The following CASP6 variants were observed in gnomAD, a reference collection of about 807,000 sequenced individuals.
CASP6 encodes caspase 6.
A neutral mutation model predicts 31.8 loss-of-function variants in CASP6; 20 were observed. That is an observed-to-expected ratio of 0.63 (90% CI 0.44 to 0.91). The LOEUF (loss-of-function observed/expected upper bound fraction) is 0.91. CASP6 is among the 40% of genes least tolerant of loss of function. CASP6 has a pLI of 0.00. For synonymous variants in CASP6, 130 were observed against 127.8 expected, an observed-to-expected ratio of 1.02 and a Z score of -0.12; for missense variants, 328 against 361.1, an observed-to-expected ratio of 0.91 and a Z score of 0.74.
downstream of CASP6, chr4:109,685,078 A>G (rs548058185): frequency 2.1e-6 from 1 of 477,698 alleles, no homozygotes; most frequent in South Asian, 4.2e-5. Context: ...CAGATCTTAA[A>G]TGAGACTAAA....
At chr4:109,671,593 A>G in the CASP6 span, among the ~76,000 whole-genome samples, 4 of 152,040 alleles carry the variant, frequency 2.6e-5, no homozygotes, top group African/African-American at 4.8e-5. Flanking sequence ...CTAAGTTTCT[A>G]TCTCTCCATT....
the CASP6 span, among the ~76,000 whole-genome samples, chr4:109,708,900 C>T: frequency 6.6e-6 from 1 of 152,306 alleles, no homozygotes; most frequent in Admixed American, 6.5e-5. Context: ...CAGCTAGCCA[C>T]AATAAAATGG....
At chr4:109,703,040 C>G (rs1191066284) in intron 1 of CASP6, among the ~76,000 whole-genome samples, 1 of 152,168 alleles carries the variant, frequency 6.6e-6, no homozygotes, top group Non-Finnish European at 1.5e-5. Flanking sequence ...TTTAAACAGC[C>G]GGGGCGCCCC....
chr4:109,665,915 CAGTG>C, the CASP6 span, among the ~76,000 whole-genome samples: 3 of 146,174 alleles, frequency 2.1e-5, no homozygotes, highest in African/African-American at 7.6e-5. Flanking sequence ...AAATACTAAA[CAGTG>C]AGAGAGAGGA....
At chr4:109,676,272 C>G in the CASP6 span, among the ~76,000 whole-genome samples, 2 of 152,138 alleles carry the variant, frequency 1.3e-5, no homozygotes, top group Non-Finnish European at 2.9e-5. Context: ...GGTGTGGTGA[C>G]TCGCACCTAT....
At position 109,689,262 on chromosome 4, in the gene CASP6, T is replaced by G; in HGVS notation, c.*68A>C. 6.8e-7 allele frequency: 1 copy of G among 1,462,850 alleles called. No homozygotes were observed. Among genetic ancestry groups the G allele is most frequent in the Non-Finnish European group, 9.5e-7 (1 of 1,051,538 alleles). The allele number at this position is 1,462,850 out of a possible 1,614,324, so 90.6% of individuals were successfully genotyped here. A position where few individuals can be genotyped will look rare whatever the true frequency, so the allele number is the denominator to read the frequency against. On this transcript the variant is annotated 3_prime_UTR_variant, in exon 7 of 7. Transcript: ENST00000265164. ...TCCCAAAGTGCTGGGATTACAGGTG[T>G]GAGTAACCACGCCTGGCTGAGAAAG...
chr4:109,685,868 TCA>T (rs1230728576), downstream of CASP6, among the ~76,000 whole-genome samples: 2 of 152,254 alleles, frequency 1.3e-5, no homozygotes, highest in East Asian at 1.9e-4. Context: ...AAGTACTTTT[TCA>T]CAGTCTGCTT....
At chr4:109,673,746 A>T in the CASP6 span, 4 of 535,418 alleles carry the variant, frequency 7.5e-6, no homozygotes, top group South Asian at 1.2e-4. Context: ...GAAGACACAT[A>T]AATGAGAAAT....
upstream of CASP6, chr4:109,703,550 G>A (rs1265090885): frequency 1.5e-5 from 14 of 953,100 alleles, no homozygotes; most frequent in Non-Finnish European, 1.8e-5. Context: ...CCGGGCTCCC[G>A]TGGATCGGGC....
At chr4:109,691,826 A>G (rs1412094765) in intron 5 of CASP6, among the ~76,000 whole-genome samples, 1 of 152,216 alleles carries the variant, frequency 6.6e-6, no homozygotes, top group Non-Finnish European at 1.5e-5. Context: ...GGACACAGAC[A>G]TGCACAGAAG....
chr4:109,679,070 G>A, the CASP6 span, among the ~76,000 whole-genome samples: 46 of 145,496 alleles, frequency 3.2e-4, no homozygotes, highest in Admixed American at 6.9e-4. Context: ...AGGCAGAGGC[G>A]CTCCTCACTT....
At chr4:109,674,347 C>CATGTT in the CASP6 span, among the ~76,000 whole-genome samples, 1 of 152,204 alleles carries the variant, frequency 6.6e-6, no homozygotes, top group Non-Finnish European at 1.5e-5. Context: ...TTAACTTAAA[C>CATGTT]ATGTCACCTA....
intron 1 of CASP6, among the ~76,000 whole-genome samples, chr4:109,702,142 G>C (rs5030523): frequency 1.3e-5 from 2 of 152,142 alleles, no homozygotes; most frequent in African/African-American, 4.8e-5. Context: ...GGAAAGCCCC[G>C]GCTTCCCGCC....
downstream of CASP6, chr4:109,684,414 A>C (rs1169345583): frequency 6.4e-7 from 1 of 1,550,902 alleles, no homozygotes. Flanking sequence ...ATTTGTAAAC[A>C]GAATTAACAG....
chr4:109,692,186 A>G (rs1447545961), intron 5 of CASP6: 1 of 152,234 alleles, frequency 6.6e-6, no homozygotes, highest in Non-Finnish European at 1.5e-5. Flanking sequence ...TAATCTTCGT[A>G]TCAGCAGGCT....
chr4:109,698,756 G>A (rs1034082723), intron 1 of CASP6, among the ~76,000 whole-genome samples: 3 of 152,226 alleles, frequency 2.0e-5, no homozygotes, highest in Non-Finnish European at 2.9e-5. Flanking sequence ...TGTGGTTAAT[G>A]CTGGATTAGC....
intron 3 of CASP6, 145 bp downstream of exon 3, chr4:109,697,477 G>A: frequency 1.2e-6 from 1 of 847,804 alleles, no homozygotes; most frequent in Non-Finnish European, 1.8e-6. Flanking sequence ...CTGTTGCCCA[G>A]ACTTGTCTCA....
chr4:109,671,625 C>CA, the CASP6 span, among the ~76,000 whole-genome samples: 4 of 152,158 alleles, frequency 2.6e-5, no homozygotes, highest in Non-Finnish European at 5.9e-5. Flanking sequence ...TCTGTTCTTG[C>CA]ATATTGTGCA....
the CASP6 span, among the ~76,000 whole-genome samples, chr4:109,675,845 C>T: frequency 6.6e-6 from 1 of 152,192 alleles, no homozygotes; most frequent in East Asian, 1.9e-4. Context: ...CTCTGCCTCC[C>T]TTTTGCCATG....
Sources: allele counts gnomAD v4.1 joint callset (sites outside exome capture counted in the v4.1 genomes callset), GRCh38; gene constraint gnomAD v4.1.1; transcripts MANE v1.5; gene names NCBI Gene and HGNC (gene_info 2026-07-23, HGNC 2026-07-21).